Variants in BIRC6 observed in about 807,000 individuals in gnomAD.
The protein encoded by BIRC6 is baculoviral IAP repeat containing 6, also known as dual E2 ubiquitin-conjugating enzyme/E3 ubiquitin-protein ligase BIRC6.
A neutral mutation model predicts 503.3 loss-of-function variants in BIRC6; 98 were observed. That is an observed-to-expected ratio of 0.19 (90% CI 0.17 to 0.23). The LOEUF (loss-of-function observed/expected upper bound fraction) is 0.23. Among genes scored for constraint, BIRC6 ranks in the 10% least tolerant of loss-of-function variants. The pLI is 1.00. For synonymous variants in BIRC6, 2,240 were observed against 2,078.7 expected (o/e 1.08, Z -2.11); for missense variants, 5,360 against 5,806.0 (o/e 0.92, Z 2.50).
chr2:32,369,021 G>A (rs1478401679), intron 1 of BIRC6, among the ~76,000 whole-genome samples: 1 of 152,166 alleles, frequency 6.6e-6, no homozygotes, highest in Non-Finnish European at 1.5e-5. Context: ...ATATGAGGAT[G>A]ATGGTATATT....
Position 32,388,949 on chromosome 2 carries a change from A to C in BIRC6, c.839+6A>C, listed in dbSNP as rs771624949. The C allele has an allele frequency of 1.4e-6, 2 of 1,433,940 alleles. No individual in the cohort carries two copies. The highest frequency in any genetic ancestry group is 1.7e-5 in the South Asian group (1 of 60,266). 88.8% of individuals were successfully genotyped at this position (1,433,940 alleles called of 1,614,324 possible). On this transcript the variant is annotated splice_donor_region_variant and intron_variant, in intron 4 of 73. Coordinates refer to ENST00000421745, the MANE Select transcript of BIRC6 (RefSeq NM_016252.4). ...CCAGGCCGTTCTGTAGACAGGTATG[A>C]ACCTTGCTAACAAAGGTGACAGTGA...
At chr2:32,554,505 G>A (rs573117420) in intron 65 of BIRC6, among the ~76,000 whole-genome samples, 1 of 152,280 alleles carries the variant, frequency 6.6e-6, no homozygotes, top group East Asian at 1.9e-4. Context: ...AGTAAGTGAT[G>A]TGTTAGAGTA....
intron 65 of BIRC6, among the ~76,000 whole-genome samples, chr2:32,570,250 A>T (rs1037026169): frequency 3.3e-5 from 5 of 152,160 alleles, no homozygotes; most frequent in African/African-American, 1.2e-4. Flanking sequence ...TATCCCTGGG[A>T]TAAATCATAC....
intron 50 of BIRC6, among the ~76,000 whole-genome samples, chr2:32,507,216 G>A (rs1412306486): frequency 6.6e-6 from 1 of 152,068 alleles, no homozygotes; most frequent in African/African-American, 2.4e-5. Flanking sequence ...AATCACTTGA[G>A]GACAGGAGTT....
intron 2 of BIRC6, chr2:32,379,279 AAATTG>A (rs1482636963): frequency 1.3e-5 from 2 of 152,200 alleles, no homozygotes; most frequent in African/African-American, 4.8e-5. Context: ...CCATTTGAAA[AAATTG>A]AACATTTTTC....
intron 61 of BIRC6, among the ~76,000 whole-genome samples, chr2:32,539,257 A>G (rs964877945): frequency 6.6e-6 from 1 of 152,256 alleles, no homozygotes; most frequent in Non-Finnish European, 1.5e-5. Context: ...TCTACATTTC[A>G]GTAATAGATT....
chr2:32,606,322 T>C (rs1260692125), intron 71 of BIRC6, among the ~76,000 whole-genome samples: 1 of 152,148 alleles, frequency 6.6e-6, no homozygotes, highest in Non-Finnish European at 1.5e-5. Context: ...GTATGATGGC[T>C]CAGACCTGTA....
intron 65 of BIRC6, chr2:32,574,457 A>G (rs2060129074): frequency 6.6e-6 from 1 of 152,354 alleles, no homozygotes; most frequent in Admixed American, 6.5e-5. Flanking sequence ...TTAGCTCCTA[A>G]TAGCCTACTG....
chr2:32,482,224 A>C (rs1255376450), intron 38 of BIRC6, among the ~76,000 whole-genome samples: 1 of 152,238 alleles, frequency 6.6e-6, no homozygotes, highest in Non-Finnish European at 1.5e-5. Flanking sequence ...TAAACATATA[A>C]GGTATTTTTA....
chr2:32,526,814 CTGGT>C (rs1302715420), intron 59 of BIRC6: 1 of 152,666 alleles, frequency 6.6e-6, no homozygotes, highest in Non-Finnish European at 1.5e-5. Flanking sequence ...ATTCAACACA[CTGGT>C]TGCAGAAGTT....
chr2:32,592,420 A>G (rs1342452823), intron 66 of BIRC6, among the ~76,000 whole-genome samples: 1 of 152,208 alleles, frequency 6.6e-6, no homozygotes, highest in East Asian at 1.9e-4. Flanking sequence ...ACCAAATTCA[A>G]AACACATGCA....
At chr2:32,404,156 C>T (rs537462333) in intron 8 of BIRC6, among the ~76,000 whole-genome samples, 29 of 151,816 alleles carry the variant, frequency 1.9e-4, no homozygotes, top group African/African-American at 6.3e-4. Flanking sequence ...TCTCGAACTC[C>T]GGACCTCAGA....
chr2:32,468,659 C>T lies in BIRC6; in HGVS notation c.6003C>T (p.Ser2001=). 4 of 1,613,950 alleles carry T rather than the reference C, an allele frequency of 2.5e-6. No homozygotes were observed. Among genetic ancestry groups the T allele is most frequent in the Non-Finnish European group, 3.4e-6 (4 of 1,179,866 alleles). Residue 2001 remains serine (S), a synonymous_variant, in exon 29 of 74, where the codon AGC becomes AGT. Transcript: ENST00000421745. ...VQRLKVALGA[S]RKMLSETSNP... is the part of the protein sequence containing the mutation. ...GGCTCAAAGTGGCGCTAGGTGCAAG[C>T]CGGAAGATGTTGAGTGAAACATCAA...
rs1042417413 is a variant in BIRC6 at position 32,478,943 on chromosome 2, T to A, written c.7252+125T>A. ...ACCCCCTAAAAGCATAAAGGTCTGT[T>A]TAATCGGTGTGATGTTATAGCAGTA... On this transcript the variant is annotated intron_variant, in intron 36 of 73. Coordinates refer to ENST00000421745, the MANE Select transcript of BIRC6 (RefSeq NM_016252.4). 3.4e-6 allele frequency: 3 copies of A among 870,556 alleles called. No individual in the cohort carries two copies. In the African/African-American group the frequency reaches 5.1e-5, roughly 15 times the overall value. The allele number at this position is 870,556 out of a possible 1,614,324, so 53.9% of individuals were successfully genotyped here.
chr2:32,406,131 C>T (rs552739554), intron 8 of BIRC6, among the ~76,000 whole-genome samples: 137 of 152,236 alleles, frequency 9.0e-4, no homozygotes, highest in African/African-American at 3.0e-3. Flanking sequence ...GTGGCTCATG[C>T]GTATAATCCC....
chr2:32,574,970 A>G (rs1472660345), intron 65 of BIRC6, among the ~76,000 whole-genome samples, 186 bp from the exon 66 acceptor site: 1 of 152,098 alleles, frequency 6.6e-6, no homozygotes, highest in Non-Finnish European at 1.5e-5. Flanking sequence ...CTGGTCTCGA[A>G]CTCCCGACCT....
intron 6 of BIRC6, among the ~76,000 whole-genome samples, chr2:32,398,571 A>G (rs1325916866): frequency 6.6e-6 from 1 of 152,192 alleles, no homozygotes; most frequent in Admixed American, 6.5e-5. Context: ...CTTCCACATC[A>G]TGTATTTTCT....
At chr2:32,386,830 C>G (rs1166802335) in intron 3 of BIRC6, among the ~76,000 whole-genome samples, 7 of 152,042 alleles carry the variant, frequency 4.6e-5, no homozygotes, top group African/African-American at 1.7e-4. Flanking sequence ...AAGGAAAGTT[C>G]TAGGGGCTTA....
Position 32,503,090 on chromosome 2 carries a change from T to C in BIRC6, c.9353T>C (p.Ile3118Thr). The part of the protein sequence containing the change: ...CNNMVTSTRA[I>T]VNTARSMVST... ...AATATGGTTACTAGTACAAGGGCTATTGTGAACACTGCAAGAAGTATGGTA... is the reference window on the plus strand; with the variant it reads ...AATATGGTTACTAGTACAAGGGCTACTGTGAACACTGCAAGAAGTATGGTA... The change falls in exon 49 of 74, where the codon ATT becomes ACT. Residue 3118 changes from isoleucine to threonine, a missense_variant. By Grantham distance (89) the Ile-to-Thr change is moderately conservative (BLOSUM62 -1). Coordinates refer to ENST00000421745, the MANE Select transcript of BIRC6 (RefSeq NM_016252.4). 6.2e-7 allele frequency: 1 copy of C among 1,610,630 alleles called. No individual in the cohort carries two copies. The highest frequency in any genetic ancestry group is 8.5e-7 in the Non-Finnish European group (1 of 1,178,178).
Sources: gnomAD v4.1 joint callset for allele counts (sites outside exome capture counted in the v4.1 genomes callset) on GRCh38, gnomAD v4.1.1 for gene constraint, MANE v1.5 for transcripts, NCBI Gene and HGNC (gene_info 2026-07-23, HGNC 2026-07-21) for gene names.